The following RP1 variants were observed in gnomAD, a reference collection of about 807,000 sequenced individuals.
The protein encoded by RP1 is RP1 axonemal microtubule associated.
A neutral mutation model predicts 14.8 loss-of-function variants in RP1; 16 were observed. That is an observed-to-expected ratio of 1.08 (90% CI 0.73 to 1.65). RP1 has a LOEUF of 1.65. Ranked by LOEUF, RP1 falls within the 40% of genes most tolerant of loss-of-function variation. RP1 has a pLI of 0.00. For synonymous variants in RP1, 876 were observed against 883.6 expected, an observed-to-expected ratio of 0.99 and a Z score of 0.15; for missense variants, 2,631 against 2,535.0, an observed-to-expected ratio of 1.04 and a Z score of -0.81.
At chr8:54,836,020 C>T (rs9298512) in intron 24 of RP1, among the ~76,000 whole-genome samples, 46,517 of 152,000 alleles carry the variant, frequency 0.31, 7,320 homozygotes, top group South Asian at 0.37. Context: ...CTGTGATGAA[C>T]TGTGTCTCTG....
chr8:54,608,033 T>G (rs1045493281), intron 1 of RP1, among the ~76,000 whole-genome samples: 2 of 152,068 alleles, frequency 1.3e-5, no homozygotes, highest in African/African-American at 2.4e-5. Flanking sequence ...TCATGCTTGA[T>G]GTGCTCCACC....
intron 3 of RP1, among the ~76,000 whole-genome samples, chr8:54,642,686 C>T (rs1231379436): frequency 1.3e-5 from 2 of 152,086 alleles, no homozygotes; most frequent in African/African-American, 2.4e-5. Flanking sequence ...GTTCTTAGTA[C>T]ACATAGTTTG....
chr8:54,853,277 A>G (rs1224318282), intron 26 of RP1, among the ~76,000 whole-genome samples: 1 of 152,210 alleles, frequency 6.6e-6, no homozygotes, highest in Admixed American at 6.5e-5. Flanking sequence ...GTCCTCTTGA[A>G]GCAGATCAGG....
chr8:54,866,943 T>G (rs901839726), intron 28 of RP1, among the ~76,000 whole-genome samples: 1 of 152,204 alleles, frequency 6.6e-6, no homozygotes, highest in Non-Finnish European at 1.5e-5. Flanking sequence ...CATTTATTTA[T>G]GAAAAAATAT....
chr8:54,641,716 C>A (rs1806457952), intron 3 of RP1, among the ~76,000 whole-genome samples: 3 of 152,090 alleles, frequency 2.0e-5, no homozygotes, highest in Non-Finnish European at 4.4e-5. Flanking sequence ...AATTTTGTAA[C>A]AATTATAATG....
intron 18 of RP1, among the ~76,000 whole-genome samples, chr8:54,737,200 T>G (rs1160299830): frequency 6.6e-6 from 1 of 152,202 alleles, no homozygotes; most frequent in Non-Finnish European, 1.5e-5. Context: ...TTTCTTCATC[T>G]TTTAAAGTAG....
chr8:54,690,688 G>C (rs527995186), intron 12 of RP1, among the ~76,000 whole-genome samples: 3 of 152,114 alleles, frequency 2.0e-5, no homozygotes, highest in African/African-American at 7.2e-5. Context: ...TCTGACTTAA[G>C]TATATAGTAT....
chr8:54,683,022 G>A (rs1400533895), intron 12 of RP1, among the ~76,000 whole-genome samples: 1 of 152,160 alleles, frequency 6.6e-6, no homozygotes, highest in Non-Finnish European at 1.5e-5. Context: ...CATATGGCTA[G>A]TCAGTTTTCC....
In RP1 at chr8:54,766,048, G is replaced by A. The variant is rs577847091; in HGVS notation, c.3249-3693G>A. On this transcript the variant is annotated intron_variant, in intron 22 of 22. Coordinates refer to the RP1 transcript ENST00000636932. Reference sequence around the variant, plus strand: ...GGGAGGGGGGTAAGGACGATGGATGGAAAACACAGTGGAATCTCAAGCTGG... The same window carrying A: ...GGGAGGGGGGTAAGGACGATGGATGAAAAACACAGTGGAATCTCAAGCTGG... Among the ~76,000 whole-genome samples, 3 of 152,210 alleles carry A rather than the reference G, an allele frequency of 2.0e-5. No individual in the cohort carries two copies. In the East Asian group the frequency reaches 5.8e-4, roughly 29 times the overall value.
intron 13 of RP1, among the ~76,000 whole-genome samples, chr8:54,701,018 G>A (rs559045143): frequency 9.8e-5 from 15 of 152,306 alleles, no homozygotes; most frequent in African/African-American, 2.6e-4. Flanking sequence ...ACTAGAGGGA[G>A]ATGGGGTGAG....
intron 24 of RP1, among the ~76,000 whole-genome samples, chr8:54,818,506 AG>A (rs1811185580): frequency 6.6e-6 from 1 of 152,240 alleles, no homozygotes; most frequent in Admixed American, 6.5e-5. Context: ...AATAATGAAA[AG>A]TTTTGACATA....
At chr8:54,616,019 T>A (rs895366108), upstream of RP1, 2 of 152,232 alleles carry the variant, frequency 1.3e-5, no homozygotes, top group Non-Finnish European at 2.9e-5. Context: ...GTCTGGTGAT[T>A]AGCATCACCA....
At chr8:54,624,611 T>A in intron 3 of RP1, 59 bp from the exon 4 acceptor site, 1 of 1,556,280 alleles carries the variant, frequency 6.4e-7, no homozygotes, top group Middle Eastern at 2.0e-4. Context: ...ATTTCTAACT[T>A]CTCTGCCTTC....
At chr8:54,816,123 C>T (rs1811127313) in intron 24 of RP1, among the ~76,000 whole-genome samples, 1 of 152,116 alleles carries the variant, frequency 6.6e-6, no homozygotes, top group South Asian at 2.1e-4. Flanking sequence ...AAATAAAACC[C>T]TCACTCTCCA....
At position 54,785,762 on chromosome 8, in the gene RP1, T is replaced by C. The variant is rs1229708133; in HGVS notation, c.3615+2052T>C. On this transcript the variant is annotated intron_variant, in intron 24 of 28. Coordinates refer to the RP1 transcript ENST00000637698. The stretch of plus-strand genomic sequence containing the variant: ...AAATAGTATCTTATTGTGATTTTGA[T>C]ATGTATTTCCTTAATGACTAATGAT... 3.3e-5 allele frequency among the ~76,000 whole-genome samples: 5 copies of C among 152,110 alleles called. No individual in the cohort carries two copies. In the East Asian group the frequency reaches 7.7e-4, roughly 23 times the overall value.
intron 24 of RP1, among the ~76,000 whole-genome samples, chr8:54,827,093 G>A (rs1208295792): frequency 6.6e-6 from 1 of 152,170 alleles, no homozygotes; most frequent in Non-Finnish European, 1.5e-5. Context: ...TTGCAGGACT[G>A]GAAGTAGCTC....
chr8:54,688,429 G>A (rs1473941365), intron 12 of RP1, among the ~76,000 whole-genome samples: 4 of 152,018 alleles, frequency 2.6e-5, no homozygotes, highest in African/African-American at 9.7e-5. Context: ...TTTCTTCTAG[G>A]GTTTTTATGG....
At position 54,627,266 on chromosome 8, in the gene RP1, CCTT is replaced by C. The variant is rs746562509; in HGVS notation, c.3387_3389del (p.Leu1130del). 2 of 1,614,118 alleles carry C rather than the reference CCTT, an allele frequency of 1.2e-6. No homozygotes were observed. The highest frequency in any genetic ancestry group is 2.2e-5 in the South Asian group (2 of 91,082). ...CAATATGTAATTCATCCACTAATCT[CCTT>C]CTAGCTTGGCTCTTGGTGCTAAACC... On this transcript the variant is annotated inframe_deletion, in exon 4 of 4. Coordinates refer to ENST00000220676, the MANE Select transcript of RP1 (RefSeq NM_006269.2).
At chr8:54,830,833 ACT>A (rs769583356) in intron 24 of RP1, among the ~76,000 whole-genome samples, 15 of 151,840 alleles carry the variant, frequency 9.9e-5, no homozygotes, top group Non-Finnish European at 2.1e-4. Context: ...CAAAAGAAAA[ACT>A]CTGTACACAT....
Sources: gnomAD v4.1 joint callset for allele counts (sites outside exome capture counted in the v4.1 genomes callset) on GRCh38, gnomAD v4.1.1 for gene constraint, MANE v1.5 for transcripts, NCBI Gene and HGNC (gene_info 2026-07-23, HGNC 2026-07-21) for gene names.